Variants in CHRDL1 observed in about 807,000 individuals in gnomAD.
CHRDL1 encodes the protein chordin like 1, also known as chordin-like protein 1.
Under a neutral mutation model 40.9 loss-of-function variants are expected in CHRDL1, and 19 were observed. The ratio of observed to expected loss-of-function variants is 0.46; its 90% CI spans 0.32 to 0.68. CHRDL1 has a LOEUF of 0.68. CHRDL1 is among the 30% of genes least tolerant of loss of function. The pLI, the probability that CHRDL1 is intolerant of heterozygous loss-of-function variation, is 0.03. For synonymous variants in CHRDL1, 136 were observed against 123.4 expected (o/e 1.10, Z -0.68); for missense variants, 329 against 352.1 (o/e 0.93, Z 0.53).
chrX:110,727,188 A>C (rs2071073712), intron 4 of CHRDL1, among the ~76,000 whole-genome samples: 1 of 112,168 alleles, frequency 8.9e-6, no homozygotes, highest in Admixed American at 9.4e-5. Flanking sequence ...TTAGATACTA[A>C]AAAAGATTCC....
At chrX:110,792,456 C>A (rs1032624768) in intron 1 of CHRDL1, among the ~76,000 whole-genome samples, 14 of 112,395 alleles carry the variant, frequency 1.2e-4, no homozygotes, top group African/African-American at 4.5e-4. Flanking sequence ...TAAGTCCTTA[C>A]AGGCAAGTTA....
Position 110,674,457 on chromosome X carries a change from C to CATA in CHRDL1, c.*1773_*1774insTAT, listed in dbSNP as rs2069731245. 1.3e-5 allele frequency: 1 copy of CATA among 78,937 alleles called. No homozygotes were observed. Among genetic ancestry groups the CATA allele is most frequent in the South Asian group, 7.8e-4 (1 of 1,286 alleles). 6.5% of individuals were successfully genotyped at this position (78,937 alleles called of 1,213,427 possible). ...GCCGCATAACACCTTCCCCCCTTTA[C>CATA]CACACACACACACACACACACACAC... is the stretch of plus-strand genomic sequence containing the variant. On this transcript the variant is annotated 3_prime_UTR_variant, in exon 12 of 12. Coordinates refer to ENST00000372042, the MANE Select transcript of CHRDL1 (RefSeq NM_001143981.2).
At chrX:110,757,247 T>C (rs1196634952) in intron 4 of CHRDL1, among the ~76,000 whole-genome samples, 1 of 109,181 alleles carries the variant, frequency 9.2e-6, no homozygotes, top group Non-Finnish European at 1.9e-5. Flanking sequence ...AAAAAAAAAC[T>C]GACTAAAAAT....
In CHRDL1 at chrX:110,679,317, C is replaced by G; in HGVS notation, c.1246+19G>C. 2 of 1,111,449 alleles carry G rather than the reference C, an allele frequency of 1.8e-6. No individual in the cohort carries two copies. Among genetic ancestry groups the G allele is most frequent in the Non-Finnish European group, 2.5e-6 (2 of 804,465 alleles). 91.6% of individuals were successfully genotyped at this position (1,111,449 alleles called of 1,213,427 possible). A position where few individuals can be genotyped will look rare whatever the true frequency, so the allele number is the denominator to read the frequency against. ...CTGAATGTGTTTTTCAGGGAGCAGT[C>G]AAGAGAAGTACTACTTACTCAGGGT... is the stretch of plus-strand genomic sequence containing the variant. On this transcript the variant is annotated intron_variant, in intron 11 of 11. Coordinates refer to ENST00000372042, the MANE Select transcript of CHRDL1 (RefSeq NM_001143981.2).
chrX:110,720,664 T>C (rs890011429), intron 5 of CHRDL1, among the ~76,000 whole-genome samples: 3 of 111,943 alleles, frequency 2.7e-5, no homozygotes, highest in Middle Eastern at 4.6e-3. Context: ...AGAGATTCTA[T>C]AGCTTCCCTT....
intron 2 of CHRDL1, among the ~76,000 whole-genome samples, chrX:110,763,779 G>A (rs777910265): frequency 9.0e-6 from 1 of 111,275 alleles, no homozygotes; most frequent in South Asian, 3.8e-4. Flanking sequence ...TGGATCAAAT[G>A]GTAGTTCTAC....
intron 6 of CHRDL1, among the ~76,000 whole-genome samples, chrX:110,701,255 C>CA (rs1214430365): frequency 9.0e-6 from 1 of 111,277 alleles, no homozygotes; most frequent in African/African-American, 3.3e-5. Flanking sequence ...AACAAACACA[C>CA]AAGAGCTGTG....
At chrX:110,745,806 T>A (rs2089236487) in intron 4 of CHRDL1, among the ~76,000 whole-genome samples, 1 of 111,949 alleles carries the variant, frequency 8.9e-6, no homozygotes, top group Admixed American at 9.5e-5. Context: ...CTGTAAATGT[T>A]TGTGAAATTA....
chrX:110,763,812 C>T (rs984535738), intron 2 of CHRDL1, among the ~76,000 whole-genome samples: 1 of 111,690 alleles, frequency 9.0e-6, no homozygotes, highest in African/African-American at 3.3e-5. Flanking sequence ...AAGGAATCTC[C>T]ACACTGTTTT....
At chrX:110,735,745 G>A (rs1196166988) in intron 4 of CHRDL1, among the ~76,000 whole-genome samples, 1 of 112,187 alleles carries the variant, frequency 8.9e-6, no homozygotes, top group Non-Finnish European at 1.9e-5. Context: ...AAGTCCAGGG[G>A]GTGGTATTTT....
Position 110,689,387 on chromosome X carries a change from G to A in CHRDL1, c.779-584C>T, listed in dbSNP as rs184831415. On this transcript the variant is annotated intron_variant, in intron 8 of 11. Transcript: ENST00000372042. ...GCTGAGATTACAGGCATGAGCCACC[G>A]CACCCAGCCTATATATATCTATATA... 6.3e-5 allele frequency among the ~76,000 whole-genome samples: 6 copies of A among 94,579 alleles called. No homozygotes were observed. The East Asian group carries it at 9.5e-4, about 15-fold the overall frequency. 82.1% of individuals were successfully genotyped at this position (94,579 alleles called of 115,157 possible). A position where few individuals can be genotyped will look rare whatever the true frequency, so the allele number is the denominator to read the frequency against.
At chrX:110,767,274 C>G (rs1033174999) in intron 2 of CHRDL1, among the ~76,000 whole-genome samples, 5 of 111,101 alleles carry the variant, frequency 4.5e-5, no homozygotes, top group Non-Finnish European at 9.4e-5. Flanking sequence ...CCTCTGAGAA[C>G]TGGAGCAAGA....
At position 110,675,843 on chromosome X, in the gene CHRDL1, T is replaced by A. The variant is rs1256522136; in HGVS notation, c.*388A>T. ...ATTCAAAGGTATAATTTCATACAAGTAATTGTTCTATACTGCAGAACTCCT... is the reference window on the plus strand; with the variant it reads ...ATTCAAAGGTATAATTTCATACAAGAAATTGTTCTATACTGCAGAACTCCT... On this transcript the variant is annotated 3_prime_UTR_variant, in exon 12 of 12. Transcript: ENST00000372042. The A allele has an allele frequency of 8.1e-6, 1 of 122,995 alleles. No homozygotes were observed. The highest frequency in any genetic ancestry group is 3.2e-5 in the African/African-American group (1 of 30,909). 10.1% of individuals were successfully genotyped at this position (122,995 alleles called of 1,213,427 possible).
chrX:110,784,665 G>A (rs2089990753), intron 2 of CHRDL1, among the ~76,000 whole-genome samples: 2 of 111,149 alleles, frequency 1.8e-5, no homozygotes, highest in African/African-American at 6.5e-5. Context: ...ACCTGCCTGG[G>A]CCTCCCACAG....
intron 4 of CHRDL1, among the ~76,000 whole-genome samples, chrX:110,740,794 C>T (rs914155760): frequency 8.9e-5 from 10 of 112,049 alleles, no homozygotes; most frequent in Non-Finnish European, 1.9e-4. Flanking sequence ...GTCTCAGCTA[C>T]TAATTTGACT....
chrX:110,676,118 A>G lies in CHRDL1; in HGVS notation c.*113T>C, dbSNP rs1005044639. The G allele has an allele frequency of 1.3e-6, 1 of 752,939 alleles. No individual in the cohort carries two copies. Among genetic ancestry groups the G allele is most frequent in the Non-Finnish European group, 1.9e-6 (1 of 517,203 alleles). 62.1% of individuals were successfully genotyped at this position (752,939 alleles called of 1,213,427 possible). A position where few individuals can be genotyped will look rare whatever the true frequency, so the allele number is the denominator to read the frequency against. On this transcript the variant is annotated 3_prime_UTR_variant, in exon 12 of 12. Transcript: ENST00000372042. Reference sequence around the variant, plus strand: ...ATGCTGTGCATGGCGTGAATAATTGACTGCATTTGAGTTTGGAGTTTTAGG... The same window carrying G: ...ATGCTGTGCATGGCGTGAATAATTGGCTGCATTTGAGTTTGGAGTTTTAGG...
chrX:110,743,711 A>T (rs902413879), intron 4 of CHRDL1, among the ~76,000 whole-genome samples: 5 of 112,210 alleles, frequency 4.5e-5, no homozygotes, highest in African/African-American at 1.6e-4. Flanking sequence ...TTCAAATCAA[A>T]ACAAAGCAAA....
intron 4 of CHRDL1, among the ~76,000 whole-genome samples, chrX:110,732,850 A>G (rs936523140): frequency 4.5e-5 from 5 of 112,012 alleles, no homozygotes; most frequent in Non-Finnish European, 9.4e-5. Context: ...TGGAACTGCT[A>G]TCACTTTGCA....
At chrX:110,700,515 A>T in intron 7 of CHRDL1, 139 bp downstream of exon 7, 1 of 482,728 alleles carries the variant, frequency 2.1e-6, no homozygotes, top group East Asian at 3.5e-5. Context: ...GATGACATTA[A>T]AAACTTTGAG....
Sources: allele counts gnomAD v4.1 joint callset (sites outside exome capture counted in the v4.1 genomes callset), GRCh38; gene constraint gnomAD v4.1.1; transcripts MANE v1.5; gene names NCBI Gene and HGNC (gene_info 2026-07-23, HGNC 2026-07-21).